XPR1: variants seen among roughly 807,000 people sequenced by gnomAD.
The protein encoded by XPR1 is xenotropic and polytropic retrovirus receptor 1.
Under a neutral mutation model 87.5 loss-of-function variants are expected in XPR1, and 28 were observed. The observed-to-expected ratio is 0.32, with a 90% CI of 0.24 to 0.44. The LOEUF is 0.44. XPR1 is among the 20% of genes least tolerant of loss of function. The probability of loss-of-function intolerance (pLI) is 1.00; values close to 1 mark genes in which losing one functional copy is unlikely to be tolerated. For missense variants in XPR1, 559 were observed against 862.3 expected (o/e 0.65, Z 4.41); for synonymous variants, 300 against 306.1 (o/e 0.98, Z 0.21).
chr1:180,633,070 A>G (rs989259056), intron 1 of XPR1, among the ~76,000 whole-genome samples: 1 of 152,200 alleles, frequency 6.6e-6, no homozygotes, highest in Admixed American at 6.5e-5. Flanking sequence ...GAAAATTAGT[A>G]TATTGTAAAC....
At chr1:180,663,613 G>A (rs1655852909) in intron 1 of XPR1, among the ~76,000 whole-genome samples, 1 of 152,188 alleles carries the variant, frequency 6.6e-6, no homozygotes, top group Non-Finnish European at 1.5e-5. Context: ...AACACTGGAT[G>A]TTTCTGAAGG....
intron 2 of XPR1, among the ~76,000 whole-genome samples, chr1:180,733,824 A>G (rs1461772437): frequency 6.6e-6 from 1 of 152,238 alleles, no homozygotes. Flanking sequence ...AATTAAGAAA[A>G]CCAGAAAAAG....
intron 12 of XPR1, among the ~76,000 whole-genome samples, chr1:180,866,896 T>C (rs1318066754): frequency 2.3e-5 from 3 of 130,066 alleles, no homozygotes; most frequent in African/African-American, 9.0e-5. Context: ...TGTGCCATGC[T>C]GGTGCGCTGC....
chr1:180,664,757 G>A (rs1018163829), intron 1 of XPR1, among the ~76,000 whole-genome samples: 14 of 152,140 alleles, frequency 9.2e-5, no homozygotes, highest in African/African-American at 3.1e-4. Flanking sequence ...AGCATTCCCC[G>A]ACATTTTTAG....
intron 1 of XPR1, among the ~76,000 whole-genome samples, chr1:180,669,035 G>A (rs1656062504): frequency 1.3e-5 from 2 of 150,840 alleles, no homozygotes; most frequent in African/African-American, 4.9e-5. Context: ...GTTGCAGAGA[G>A]CTGAGATCGC....
At chr1:180,823,492 A>G (rs1333714202) in intron 7 of XPR1, among the ~76,000 whole-genome samples, 1 of 152,214 alleles carries the variant, frequency 6.6e-6, no homozygotes, top group African/African-American at 2.4e-5. Context: ...GAACAACATA[A>G]GTAAATGTGA....
chr1:180,881,434 A>G (rs543152261), intron 14 of XPR1, among the ~76,000 whole-genome samples: 1 of 152,356 alleles, frequency 6.6e-6, no homozygotes, highest in Non-Finnish European at 1.5e-5. Flanking sequence ...AAGTGCTGGC[A>G]TTACAGGCAT....
chr1:180,681,515 G>A lies in XPR1; in HGVS notation c.70-845G>A, dbSNP rs541153493. ...CAAAAAATTAGCCGAGCGTGGTGGCGGGCGCCTGTAGTCCCAGCTACTTGG... is the reference window on the plus strand; with the variant it reads ...CAAAAAATTAGCCGAGCGTGGTGGCAGGCGCCTGTAGTCCCAGCTACTTGG... On this transcript the variant is annotated intron_variant, in intron 1 of 14. Transcript: ENST00000367590. Among the ~76,000 whole-genome samples the A allele has an allele frequency of 1.4e-3, 214 of 152,196 alleles. 2 individuals are homozygous for A. The highest frequency in any genetic ancestry group is 1.9e-4 in the East Asian group (1 of 5,178).
At chr1:180,704,064 A>G (rs1657457478) in intron 2 of XPR1, among the ~76,000 whole-genome samples, 1 of 151,112 alleles carries the variant, frequency 6.6e-6, no homozygotes, top group Non-Finnish European at 1.5e-5. Context: ...TGGCTTATTC[A>G]GGTTTTTTGT....
chr1:180,648,694 G>A (rs1557937761), intron 1 of XPR1, among the ~76,000 whole-genome samples: 1 of 152,172 alleles, frequency 6.6e-6, no homozygotes, highest in Non-Finnish European at 1.5e-5. Flanking sequence ...TTTCGGTAGA[G>A]ATGGGGTTTC....
chr1:180,813,958 C>G lies in XPR1; in HGVS notation c.763+2470C>G, dbSNP rs1200852807. Among the ~76,000 whole-genome samples, 3 of 152,130 alleles carry G rather than the reference C, an allele frequency of 2.0e-5. No homozygotes were observed. The East Asian group carries it at 5.8e-4, about 29-fold the overall frequency. On this transcript the variant is annotated intron_variant, in intron 7 of 14. Transcript: ENST00000367590. ...TATTCCATTTCAGACTTTTAGTAAT[C>G]ATAATAATGCCCAAATAAGGAAGCT...
intron 2 of XPR1, among the ~76,000 whole-genome samples, chr1:180,704,274 A>ATATATATATATT: frequency 7.1e-6 from 1 of 141,682 alleles, no homozygotes; most frequent in African/African-American, 2.6e-5. Context: ...ATATATATAT[A>ATATATATATATT]TATTATCAGA....
chr1:180,768,873 G>T (rs1342600677), intron 2 of XPR1, among the ~76,000 whole-genome samples: 1 of 152,174 alleles, frequency 6.6e-6, no homozygotes. Context: ...GCAAGCAACT[G>T]AAGTTGGATG....
At chr1:180,730,290 G>A (rs1658507452) in intron 2 of XPR1, among the ~76,000 whole-genome samples, 1 of 152,076 alleles carries the variant, frequency 6.6e-6, no homozygotes, top group Admixed American at 6.6e-5. Context: ...GTTTACTGTA[G>A]CCTCATTGTA....
intron 10 of XPR1, 95 bp from the exon 11 acceptor site, chr1:180,836,427 T>G: frequency 7.1e-7 from 1 of 1,402,556 alleles, no homozygotes; most frequent in Non-Finnish European, 9.7e-7. Context: ...GTTTTTTGCT[T>G]TTTTAGACTT....
intron 1 of XPR1, among the ~76,000 whole-genome samples, chr1:180,675,716 G>T (rs1014538251): frequency 5.3e-5 from 8 of 152,112 alleles, no homozygotes; most frequent in African/African-American, 1.9e-4. Flanking sequence ...CATGAGTTGA[G>T]GAAACTCTTT....
At chr1:180,846,453 T>G (rs899151432) in intron 11 of XPR1, among the ~76,000 whole-genome samples, 3 of 151,298 alleles carry the variant, frequency 2.0e-5, no homozygotes, top group African/African-American at 7.3e-5. Flanking sequence ...TTATTTATTT[T>G]TTTTTTGAGA....
chr1:180,670,564 C>G (rs1199632141), intron 1 of XPR1, among the ~76,000 whole-genome samples: 1 of 151,982 alleles, frequency 6.6e-6, no homozygotes, highest in African/African-American at 2.4e-5. Flanking sequence ...TACTGTGTGC[C>G]CAGAAACTTA....
intron 1 of XPR1, among the ~76,000 whole-genome samples, chr1:180,645,604 T>C (rs1557936433): frequency 6.6e-6 from 1 of 152,210 alleles, no homozygotes; most frequent in South Asian, 2.1e-4. Context: ...CTCTTGTAAC[T>C]AAAGAACTCT....
Sources: gnomAD v4.1 joint callset for allele counts (sites outside exome capture counted in the v4.1 genomes callset) on GRCh38, gnomAD v4.1.1 for gene constraint, MANE v1.5 for transcripts, NCBI Gene and HGNC (gene_info 2026-07-23, HGNC 2026-07-21) for gene names.